Variants in NTM observed in about 807,000 individuals in gnomAD.
The protein encoded by NTM is IgLON family member 2.
In NTM, 13 loss-of-function variants were observed where a neutral mutation model predicts 42.1. That is an observed-to-expected ratio of 0.31 (90% confidence interval 0.20 to 0.49). NTM has a LOEUF of 0.49. Ranked by LOEUF, NTM falls within the 20% of genes least tolerant of loss-of-function variation. NTM has a pLI of 0.99. For missense variants in NTM, 373 were observed against 452.8 expected, an observed-to-expected ratio of 0.82 and a Z score of 1.60; for synonymous variants, 187 against 179.2, an observed-to-expected ratio of 1.04 and a Z score of -0.35.
chr11:132,289,741 G>A (rs2094388926), intron 4 of NTM, among the ~76,000 whole-genome samples: 2 of 152,168 alleles, frequency 1.3e-5, no homozygotes, highest in African/African-American at 4.8e-5. Flanking sequence ...AGTTTTAGAT[G>A]TCTTTGTGGC....
At chr11:131,941,674 G>A (rs538845549) in intron 2 of NTM, among the ~76,000 whole-genome samples, 1 of 152,336 alleles carries the variant, frequency 6.6e-6, no homozygotes, top group Admixed American at 6.5e-5. Flanking sequence ...TGAGGTGTCA[G>A]GAAGATTGGG....
chr11:131,430,498 G>A (rs1474185838), intron 1 of NTM, among the ~76,000 whole-genome samples: 1 of 152,184 alleles, frequency 6.6e-6, no homozygotes, highest in African/African-American at 2.4e-5. Flanking sequence ...AATAAGGACT[G>A]GAATCCACAG....
intron 2 of NTM, among the ~76,000 whole-genome samples, chr11:132,009,086 C>A (rs1266046813): frequency 6.6e-6 from 1 of 152,112 alleles, no homozygotes; most frequent in African/African-American, 2.4e-5. Flanking sequence ...ATGGTCCAGC[C>A]CTCCCTCTGC....
chr11:131,870,494 A>G (rs2047670323), intron 1 of NTM, among the ~76,000 whole-genome samples: 1 of 152,088 alleles, frequency 6.6e-6, no homozygotes, highest in East Asian at 1.9e-4. Context: ...GCCTGGTCAT[A>G]TGTCTGGAGC....
chr11:131,661,137 G>C, intron 1 of NTM: 2 of 866,564 alleles, frequency 2.3e-6, no homozygotes, highest in South Asian at 2.9e-5. Flanking sequence ...TCCTCAGGAC[G>C]GAAGGTCCAG....
intron 3 of NTM, among the ~76,000 whole-genome samples, chr11:132,170,631 T>C (rs1294727167): frequency 6.6e-6 from 1 of 152,224 alleles, no homozygotes; most frequent in East Asian, 1.9e-4. Flanking sequence ...TATTGGCAGT[T>C]GCATATGTTT....
At chr11:132,217,358 C>G (rs2335470) in intron 4 of NTM, among the ~76,000 whole-genome samples, 46,778 of 141,990 alleles carry the variant, frequency 0.33, 8,046 homozygotes, top group Middle Eastern at 0.51. Flanking sequence ...CTCTCTCTTT[C>G]TGTGTGTGTG....
intron 1 of NTM, among the ~76,000 whole-genome samples, chr11:131,772,593 G>A (rs895428893): frequency 4.6e-5 from 7 of 152,146 alleles, no homozygotes; most frequent in African/African-American, 1.7e-4. Context: ...AGCAGCCAGA[G>A]GGAGCTTGAA....
chr11:132,192,681 T>A (rs2079501780), intron 3 of NTM, among the ~76,000 whole-genome samples: 1 of 151,918 alleles, frequency 6.6e-6, no homozygotes, highest in Non-Finnish European at 1.5e-5. Flanking sequence ...AATGAGATAA[T>A]CCCCCCACTT....
At chr11:131,574,648 A>G (rs1248688887) in intron 1 of NTM, among the ~76,000 whole-genome samples, 5 of 151,958 alleles carry the variant, frequency 3.3e-5, no homozygotes, top group African/African-American at 1.2e-4. Context: ...CCAGTGATCT[A>G]CAGTCAATGC....
At chr11:131,616,321 G>A (rs747921075) in intron 1 of NTM, among the ~76,000 whole-genome samples, 58 of 152,186 alleles carry the variant, frequency 3.8e-4, no homozygotes, top group Non-Finnish European at 6.9e-4. Flanking sequence ...ATGGGGCTTG[G>A]GAGTTGGAGG....
intron 4 of NTM, among the ~76,000 whole-genome samples, chr11:132,230,954 G>A (rs1156586041): frequency 6.6e-6 from 1 of 152,238 alleles, no homozygotes; most frequent in Non-Finnish European, 1.5e-5. Context: ...CGAGGCTGCA[G>A]TGAGCTATGA....
intron 2 of NTM, among the ~76,000 whole-genome samples, chr11:131,968,263 A>G (rs12275727): frequency 0.17 from 25,571 of 152,118 alleles, 2,305 homozygotes; most frequent in Middle Eastern, 0.24. Flanking sequence ...ACCAAGAATC[A>G]AACCAATTTG....
intron 3 of NTM, among the ~76,000 whole-genome samples, chr11:132,149,573 G>C (rs892955759): frequency 1.3e-5 from 2 of 152,142 alleles, no homozygotes; most frequent in African/African-American, 4.8e-5. Flanking sequence ...TCAGGTCTGG[G>C]GTATGTCTTT....
At chr11:131,604,450 G>A (rs2060756767) in intron 1 of NTM, among the ~76,000 whole-genome samples, 1 of 151,970 alleles carries the variant, frequency 6.6e-6, no homozygotes, top group African/African-American at 2.4e-5. Flanking sequence ...TATATTGTTT[G>A]CAAATATTTT....
At chr11:132,054,989 G>A (rs1472130699) in intron 2 of NTM, among the ~76,000 whole-genome samples, 1 of 152,188 alleles carries the variant, frequency 6.6e-6, no homozygotes, top group Non-Finnish European at 1.5e-5. Context: ...CATTCCAAGG[G>A]CTTGGTGTGA....
intron 1 of NTM, among the ~76,000 whole-genome samples, chr11:131,410,663 A>G (rs1370961203): frequency 6.6e-6 from 1 of 152,068 alleles, no homozygotes; most frequent in Non-Finnish European, 1.5e-5. Flanking sequence ...TTAACGGAAG[A>G]ATATATCCTT....
intron 7 of NTM, 183 bp downstream of exon 7, chr11:132,314,886 G>A (rs933740134): frequency 2.2e-6 from 3 of 1,356,846 alleles, no homozygotes; most frequent in Non-Finnish European, 2.8e-6. Context: ...AGACAGGGAG[G>A]AGGCAGACAG....
chr11:131,928,648 TG>T, intron 2 of NTM, among the ~76,000 whole-genome samples: 1 of 145,956 alleles, frequency 6.9e-6, no homozygotes, highest in African/African-American at 2.5e-5. Flanking sequence ...CTGCAAACTC[TG>T]TTTGTTTTCT....
Sources: gnomAD v4.1 joint callset for allele counts (sites outside exome capture counted in the v4.1 genomes callset) on GRCh38, gnomAD v4.1.1 for gene constraint, MANE v1.5 for transcripts, NCBI Gene and HGNC (gene_info 2026-07-23, HGNC 2026-07-21) for gene names.